AUH: variants seen among roughly 807,000 people sequenced by gnomAD.
AUH encodes methylglutaconyl-CoA hydratase, mitochondrial.
In AUH, 29 loss-of-function variants were observed where a neutral mutation model predicts 42.3. The ratio of observed to expected loss-of-function variants is 0.69; its 90% confidence interval spans 0.51 to 0.93. AUH has a LOEUF of 0.93. Ranked by LOEUF, AUH falls within the 40% of genes least tolerant of loss-of-function variation. AUH has a pLI of 0.00. For synonymous variants in AUH, 174 were observed against 166.4 expected (o/e 1.05, Z -0.35); for missense variants, 452 against 438.1 (o/e 1.03, Z -0.28).
chr9:91,264,215 A>G (rs1423880974), intron 6 of AUH, among the ~76,000 whole-genome samples: 1 of 152,178 alleles, frequency 6.6e-6, no homozygotes, highest in Non-Finnish European at 1.5e-5. Context: ...TTACAAATCT[A>G]ATGTCATAAT....
intron 6 of AUH, among the ~76,000 whole-genome samples, chr9:91,240,791 C>T (rs2131338099): frequency 1.3e-5 from 2 of 151,752 alleles, no homozygotes; most frequent in Middle Eastern, 6.8e-3. Flanking sequence ...CCCATGAGCT[C>T]CCTTTTGGTG....
intron 6 of AUH, among the ~76,000 whole-genome samples, chr9:91,246,815 A>C (rs1828820163): frequency 6.6e-6 from 1 of 152,256 alleles, no homozygotes; most frequent in Non-Finnish European, 1.5e-5. Context: ...CACAAAATCC[A>C]AGAGTTAGGA....
rs149713726 is a variant in AUH, at chr9:91,252,107, C to T, written c.656-31115G>A. ...TCCGCCTCCTCAGTAGCTGGGACTA[C>T]AGGAGCCCGCCACCATGCCCAGCTA... On this transcript the variant is annotated intron_variant, in intron 6 of 9. Transcript: ENST00000375731. 6.5e-3 allele frequency among the ~76,000 whole-genome samples: 994 copies of T among 152,182 alleles called. 10 individuals carry two copies. Among genetic ancestry groups the T allele is most frequent in the African/African-American group, 0.023 (938 of 41,504 alleles).
rs370951176 is a variant in AUH at position 91,230,255 on chromosome 9, T to G, written c.656-9263A>C. On this transcript the variant is annotated intron_variant, in intron 6 of 9. Transcript: ENST00000375731. Reference sequence around the variant, plus strand: ...ATATTTCTTGGAGGCTTTGCTCGTTTCTTTTTCTTTTTTCTCTAAACTTTC... The same window carrying G: ...ATATTTCTTGGAGGCTTTGCTCGTTGCTTTTTCTTTTTTCTCTAAACTTTC... Among the ~76,000 whole-genome samples the G allele has an allele frequency of 4.6e-5, 7 of 152,326 alleles. No individual in the cohort carries two copies. The East Asian group carries it at 9.7e-4, about 21-fold the overall frequency.
intron 6 of AUH, among the ~76,000 whole-genome samples, chr9:91,276,431 G>C (rs543973600): frequency 6.9e-6 from 1 of 144,790 alleles, no homozygotes; most frequent in East Asian, 2.0e-4. Context: ...AAAAAAAAAA[G>C]AGTATTGCAT....
rs1242144103 is a variant in AUH at position 91,214,116 on chromosome 9, A to C, written c.*232T>G. On this transcript the variant is annotated 3_prime_UTR_variant, in exon 10 of 10. Coordinates refer to ENST00000375731, the MANE Select transcript of AUH (RefSeq NM_001698.3). ...ATTTAAAAATGTATATCTAACTTTG[A>C]TTCTGTTTCTGACTATACACTACTA... The C allele has an allele frequency of 4.3e-6, 2 of 460,210 alleles. No homozygotes were observed. The highest frequency in any genetic ancestry group is 3.9e-5 in the African/African-American group (2 of 51,206). 28.5% of individuals were successfully genotyped at this position (460,210 alleles called of 1,614,324 possible).
chr9:91,221,228 G>GTATC (rs1288210759), intron 6 of AUH, among the ~76,000 whole-genome samples: 7 of 152,166 alleles, frequency 4.6e-5, no homozygotes, highest in African/African-American at 1.4e-4. Context: ...TTGGCACTGA[G>GTATC]TATCACCTGC....
chr9:91,262,448 A>C (rs961976905), intron 6 of AUH, among the ~76,000 whole-genome samples: 4 of 152,230 alleles, frequency 2.6e-5, no homozygotes, highest in African/African-American at 9.6e-5. Flanking sequence ...CTAATCAGAC[A>C]GCATTATTTC....
intron 6 of AUH, among the ~76,000 whole-genome samples, chr9:91,281,569 T>C (rs761762463): frequency 5.9e-5 from 9 of 152,224 alleles, no homozygotes; most frequent in Non-Finnish European, 1.0e-4. Context: ...ATGACCATTT[T>C]GAAGCCAACA....
intron 6 of AUH, among the ~76,000 whole-genome samples, chr9:91,241,312 C>T (rs1172475805): frequency 2.6e-5 from 4 of 152,128 alleles, no homozygotes; most frequent in African/African-American, 9.7e-5. Context: ...AAATATCATG[C>T]CATAACATGC....
chr9:91,260,902 C>A (rs1001562203), intron 6 of AUH, among the ~76,000 whole-genome samples: 1 of 152,200 alleles, frequency 6.6e-6, no homozygotes, highest in African/African-American at 2.4e-5. Flanking sequence ...AGTACCTAAT[C>A]TGCTGTTACT....
intron 4 of AUH, among the ~76,000 whole-genome samples, chr9:91,321,539 A>G (rs1829570871): frequency 6.6e-6 from 1 of 152,232 alleles, no homozygotes; most frequent in East Asian, 1.9e-4. Flanking sequence ...TGACAAAGGT[A>G]TAAGCCAAGC....
intron 4 of AUH, among the ~76,000 whole-genome samples, chr9:91,314,917 T>C (rs1829030618): frequency 6.6e-6 from 1 of 152,210 alleles, no homozygotes; most frequent in African/African-American, 2.4e-5. Flanking sequence ...TGAGAGTTTT[T>C]CGTGTCATCT....
rs79418104 is a variant in AUH, at chr9:91,300,838, A to G, written c.506-2762T>C. On this transcript the variant is annotated intron_variant, in intron 4 of 9. Transcript: ENST00000375731. ...TATACAAGGTGCAGCTCTGCCTAGA[A>G]TGCCTAGCTAGCCCCTACTTGTCTG... 4.5e-4 allele frequency among the ~76,000 whole-genome samples: 68 copies of G among 152,304 alleles called. No individual in the cohort carries two copies. The East Asian group carries it at 0.012, about 28-fold the overall frequency.
intron 4 of AUH, among the ~76,000 whole-genome samples, chr9:91,313,663 C>A: frequency 6.7e-6 from 1 of 149,006 alleles, no homozygotes; most frequent in East Asian, 2.0e-4. Flanking sequence ...CGAGATTGCG[C>A]CACTGCAGTC....
At chr9:91,220,745 G>A (rs1226181098) in intron 7 of AUH, 60 bp downstream of exon 7, 3 of 1,587,220 alleles carry the variant, frequency 1.9e-6, no homozygotes, top group African/African-American at 2.7e-5. Context: ...TGCTGTTTTA[G>A]TCAAAGTGTT....
intron 6 of AUH, among the ~76,000 whole-genome samples, chr9:91,249,292 C>CAAAAAAAA (rs59102669): frequency 4.6e-4 from 15 of 32,532 alleles, no homozygotes; most frequent in Non-Finnish European, 7.2e-4. Flanking sequence ...GAACCTGTCT[C>CAAAAAAAA]AAAAAAAAAA....
Position 91,214,191 on chromosome 9 carries a change from A to C in AUH, c.*157T>G. On this transcript the variant is annotated 3_prime_UTR_variant, in exon 10 of 10. Coordinates refer to ENST00000375731, the MANE Select transcript of AUH (RefSeq NM_001698.3). The stretch of plus-strand genomic sequence containing the variant: ...ACATTTACACATTTGAATGAAGTAC[A>C]CGGATGGGTCCATTCCAGATGCTTA... The C allele has an allele frequency of 1.5e-6, 1 of 683,194 alleles. No individual in the cohort carries two copies. The highest frequency in any genetic ancestry group is 2.6e-6 in the Non-Finnish European group (1 of 377,614). 42.3% of individuals were successfully genotyped at this position (683,194 alleles called of 1,614,324 possible). A position where few individuals can be genotyped will look rare whatever the true frequency, so the allele number is the denominator to read the frequency against.
chr9:91,315,203 T>C (rs995984945), intron 4 of AUH, among the ~76,000 whole-genome samples: 1 of 152,122 alleles, frequency 6.6e-6, no homozygotes, highest in Non-Finnish European at 1.5e-5. Flanking sequence ...CCTCGAAAAG[T>C]GGTGGGATTA....
Sources: allele counts gnomAD v4.1 joint callset (sites outside exome capture counted in the v4.1 genomes callset), GRCh38; gene constraint gnomAD v4.1.1; transcripts MANE v1.5; gene names NCBI Gene and HGNC (gene_info 2026-07-23, HGNC 2026-07-21).